Variants in TTLL11 observed in about 807,000 individuals in gnomAD.
TTLL11 encodes the protein tubulin tyrosine ligase like 11.
TTLL11 carries 42 observed loss-of-function variants against 51.7 expected under a neutral mutation model. That is an observed-to-expected ratio of 0.81 (90% CI 0.64 to 1.05). TTLL11 has a LOEUF of 1.05. Ranked by LOEUF, TTLL11 falls within the 50% of genes least tolerant of loss-of-function variation. The pLI, the probability that TTLL11 is intolerant of heterozygous loss-of-function variation, is 0.00. For synonymous variants in TTLL11, 381 were observed against 383.5 expected (o/e 0.99, Z 0.08); for missense variants, 799 against 940.4 (o/e 0.85, Z 1.97).
At chr9:121,943,048 AACAATCCTAATCACACGATCGTGAAATG>A (rs369522948) in intron 6 of TTLL11, among the ~76,000 whole-genome samples, 6 of 152,316 alleles carry the variant, frequency 3.9e-5, no homozygotes, top group African/African-American at 1.4e-4. Context: ...GAATGAAGAT[AACAATCCTAATCACACGATCGTGAAATG>A]AGATGATGAG....
At chr9:121,976,645 T>C (rs1842719801) in intron 4 of TTLL11, among the ~76,000 whole-genome samples, 1 of 152,182 alleles carries the variant, frequency 6.6e-6, no homozygotes, top group Non-Finnish European at 1.5e-5. Flanking sequence ...AGTTAAATGA[T>C]AATTATTAAA....
chr9:121,852,767 C>T (rs1837702133), intron 8 of TTLL11, among the ~76,000 whole-genome samples: 1 of 152,206 alleles, frequency 6.6e-6, no homozygotes, highest in African/African-American at 2.4e-5. Context: ...TCTCTGCTGG[C>T]TCTCTTGCTT....
At chr9:122,000,243 A>G (rs923605904) in intron 3 of TTLL11, among the ~76,000 whole-genome samples, 5 of 152,082 alleles carry the variant, frequency 3.3e-5, no homozygotes, top group African/African-American at 1.2e-4. Flanking sequence ...AGGCCGAGGC[A>G]GGCGGATCAC....
At chr9:122,082,636 T>C (rs1846028317) in intron 1 of TTLL11, among the ~76,000 whole-genome samples, 2 of 151,972 alleles carry the variant, frequency 1.3e-5, no homozygotes, top group South Asian at 4.1e-4. Flanking sequence ...GTTGTTAAAA[T>C]GAAATGAATC....
At chr9:121,936,333 T>A (rs1841220271) in intron 6 of TTLL11, among the ~76,000 whole-genome samples, 1 of 151,974 alleles carries the variant, frequency 6.6e-6, no homozygotes, top group Non-Finnish European at 1.5e-5. Context: ...GCTCGATCAC[T>A]GCTCACTGCA....
intron 8 of TTLL11, among the ~76,000 whole-genome samples, chr9:121,834,494 T>TTC (rs1554757588): frequency 2.7e-5 from 4 of 150,816 alleles, no homozygotes; most frequent in African/African-American, 9.8e-5. Context: ...TTTTTTTTTT[T>TTC]CACAAGGTAC....
At chr9:121,830,603 G>A (rs1347585812) in intron 8 of TTLL11, among the ~76,000 whole-genome samples, 1 of 152,208 alleles carries the variant, frequency 6.6e-6, no homozygotes, top group Non-Finnish European at 1.5e-5. Flanking sequence ...GACTAATGAT[G>A]GAGCTGAAAA....
chr9:121,955,865 T>A (rs144349937), intron 6 of TTLL11, among the ~76,000 whole-genome samples: 33 of 152,350 alleles, frequency 2.2e-4, no homozygotes, highest in Middle Eastern at 3.4e-3. Context: ...GCTCACAGCC[T>A]CAGGGTAATC....
intron 8 of TTLL11, among the ~76,000 whole-genome samples, chr9:121,828,902 C>G (rs1284274893): frequency 6.6e-6 from 1 of 151,724 alleles, no homozygotes; most frequent in Non-Finnish European, 1.5e-5. Flanking sequence ...GAATTTGAGG[C>G]TGAAGTGAGC....
chr9:121,924,440 T>G (rs942298779), intron 6 of TTLL11, among the ~76,000 whole-genome samples: 1 of 152,260 alleles, frequency 6.6e-6, no homozygotes, highest in Non-Finnish European at 1.5e-5. Flanking sequence ...TTCTGTATGC[T>G]GCCTAATGTT....
intron 6 of TTLL11, among the ~76,000 whole-genome samples, chr9:121,904,111 T>G (rs1839854142): frequency 6.6e-6 from 1 of 152,072 alleles, no homozygotes; most frequent in Non-Finnish European, 1.5e-5. Flanking sequence ...TACTAACAAC[T>G]AAAACTATTT....
intron 3 of TTLL11, among the ~76,000 whole-genome samples, chr9:122,001,047 G>A (rs1588193255): frequency 2.6e-5 from 4 of 152,146 alleles, no homozygotes; most frequent in Admixed American, 1.3e-4. Flanking sequence ...GTTTTGTTTT[G>A]TTTTGTTCTT....
intron 3 of TTLL11, among the ~76,000 whole-genome samples, chr9:122,027,098 C>T (rs984739068): frequency 2.6e-5 from 4 of 152,030 alleles, no homozygotes; most frequent in Non-Finnish European, 4.4e-5. Context: ...AACTCTCAAT[C>T]GTGGCAGAAG....
At chr9:121,895,826 T>A in intron 6 of TTLL11, among the ~76,000 whole-genome samples, 8 of 113,468 alleles carry the variant, frequency 7.1e-5, no homozygotes, top group African/African-American at 1.1e-4. Context: ...TGTTTGTGTA[T>A]GTGTGTATGT....
At chr9:121,934,443 T>C (rs1841117464) in intron 6 of TTLL11, among the ~76,000 whole-genome samples, 1 of 152,192 alleles carries the variant, frequency 6.6e-6, no homozygotes, top group Non-Finnish European at 1.5e-5. Flanking sequence ...CAGAAAAGTC[T>C]TTAAATATCG....
rs1343152569 is a variant in TTLL11 at position 121,818,859 on chromosome 9, T to A, written c.*3728A>T. The A allele has an allele frequency of 6.6e-6, 1 of 152,582 alleles. No homozygotes were observed. Among genetic ancestry groups the A allele is most frequent in the East Asian group, 1.9e-4 (1 of 5,194 alleles). The allele number at this position is 152,582 out of a possible 1,614,324, so 9.5% of individuals were successfully genotyped here. ...GAGGTGCAGGGGTCAGGTGCGGGCC[T>A]TAGGATGGAAAGAAGGGAAGGGTGC... On this transcript the variant is annotated 3_prime_UTR_variant, in exon 9 of 9. Transcript: ENST00000321582.
chr9:122,014,657 A>G (rs950239386), intron 3 of TTLL11, among the ~76,000 whole-genome samples: 7 of 152,162 alleles, frequency 4.6e-5, no homozygotes, highest in Non-Finnish European at 2.9e-5. Flanking sequence ...CTTAGTAAAT[A>G]TTTGTTCACA....
intron 6 of TTLL11, among the ~76,000 whole-genome samples, chr9:121,882,980 T>C (rs990015399): frequency 3.9e-5 from 6 of 152,212 alleles, no homozygotes; most frequent in South Asian, 2.1e-4. Flanking sequence ...TAATAGGTGA[T>C]ACAAAAAACA....
chr9:121,816,269 G>GA lies in TTLL11; in HGVS notation c.*6317dup, dbSNP rs1051977297. On this transcript the variant is annotated 3_prime_UTR_variant, in exon 9 of 9. Transcript: ENST00000321582. ...ATTCTGATGCAACAGGTTCTGAAGG[G>GA]AAAATATCCCTGCGGTCTGCGAGGG... The GA allele has an allele frequency of 6.6e-6, 1 of 152,212 alleles. No individual in the cohort carries two copies. The highest frequency in any genetic ancestry group is 2.4e-5 in the African/African-American group (1 of 41,444). 9.4% of individuals were successfully genotyped at this position (152,212 alleles called of 1,614,324 possible). A position where few individuals can be genotyped will look rare whatever the true frequency, so the allele number is the denominator to read the frequency against.
Sources: allele counts gnomAD v4.1 joint callset (sites outside exome capture counted in the v4.1 genomes callset), GRCh38; gene constraint gnomAD v4.1.1; transcripts MANE v1.5; gene names NCBI Gene and HGNC (gene_info 2026-07-23, HGNC 2026-07-21).